ABAT: variants seen among roughly 807,000 people sequenced by gnomAD.
ABAT encodes 4-aminobutyrate aminotransferase.
In ABAT, 45 loss-of-function variants were observed where a neutral mutation model predicts 64.6. The observed-to-expected ratio is 0.70, with a 90% CI of 0.55 to 0.89. The LOEUF (loss-of-function observed/expected upper bound fraction) is 0.89, where lower values mean the gene tolerates loss of function less well. ABAT is among the 40% of genes least tolerant of loss of function. ABAT has a pLI of 0.00. For synonymous variants in ABAT, 297 were observed against 250.5 expected (o/e 1.19, Z -1.75); for missense variants, 633 against 658.4 (o/e 0.96, Z 0.42).
At chr16:8,775,309 C>T (rs1054605240) in intron 13 of ABAT, among the ~76,000 whole-genome samples, 1 of 152,116 alleles carries the variant, frequency 6.6e-6, no homozygotes, top group South Asian at 2.1e-4. Context: ...ATAATATCAT[C>T]GACAGCTGCC....
intron 2 of ABAT, among the ~76,000 whole-genome samples, 193 bp from the exon 3 acceptor site, chr16:8,745,808 C>G (rs1353471105): frequency 1.3e-5 from 2 of 152,186 alleles, no homozygotes; most frequent in Non-Finnish European, 2.9e-5. Context: ...TGGGTTTTCC[C>G]TTTTTTAAAA....
chr16:8,776,273 C>A lies in ABAT; in HGVS notation c.1123-71C>A. On this transcript the variant is annotated intron_variant, in intron 13 of 15. Coordinates refer to ENST00000268251, the MANE Select transcript of ABAT (RefSeq NM_020686.6). This position sits in a 1 kb window ranked among gnomAD's most constrained non-coding sequence, Gnocchi z 4.4. Reference sequence around the variant, plus strand: ...CTCCTCTTCAAGAGAGGAGGCGGGGCGCCTGGGGTAAGTGACTCCTGCAGG... The same window carrying A: ...CTCCTCTTCAAGAGAGGAGGCGGGGAGCCTGGGGTAAGTGACTCCTGCAGG... 2 of 1,607,390 alleles carry A rather than the reference C, an allele frequency of 1.2e-6. No individual in the cohort carries two copies. The highest frequency in any genetic ancestry group is 1.1e-5 in the South Asian group (1 of 90,858).
chr16:8,758,007 A>G (rs2059694665), intron 6 of ABAT, among the ~76,000 whole-genome samples: 2 of 152,242 alleles, frequency 1.3e-5, no homozygotes, highest in Admixed American at 1.3e-4. Context: ...GCAGTCAATT[A>G]ACCACACACA....
intron 10 of ABAT, 72 bp from the exon 11 acceptor site, chr16:8,768,753 A>G: frequency 1.2e-6 from 2 of 1,605,406 alleles, no homozygotes; most frequent in Non-Finnish European, 1.7e-6. Flanking sequence ...AATGTCTATC[A>G]TCTCCTTTAC....
chr16:8,750,620 G>A (rs2142728037), intron 5 of ABAT, 81 bp downstream of exon 5: 1 of 1,312,164 alleles, frequency 7.6e-7, no homozygotes, highest in South Asian at 1.2e-5. Context: ...ATTAGGATGT[G>A]GCTTCCAGCA....
At chr16:8,678,604 G>C (rs927769964) in intron 1 of ABAT, among the ~76,000 whole-genome samples, 1 of 152,176 alleles carries the variant, frequency 6.6e-6, no homozygotes, top group Non-Finnish European at 1.5e-5. Flanking sequence ...AGGGTCTTTC[G>C]AAACTTCAAT....
chr16:8,778,501 G>A lies in ABAT; in HGVS notation c.1270-978G>A, dbSNP rs2313560. ...AAAGATACCAGTCATTGAGCCGGGC[G>A]CTGTGGCTCACACCTGTAATCCCAG... On this transcript the variant is annotated intron_variant, in intron 14 of 15. Transcript: ENST00000268251. Among the ~76,000 whole-genome samples, 310 of 152,264 alleles carry A rather than the reference G, an allele frequency of 2.0e-3. 5 individuals are homozygous for A. The highest frequency in any genetic ancestry group is 0.017 in the Admixed American group (260 of 15,286).
chr16:8,755,155 T>G (rs1485608970), intron 5 of ABAT, among the ~76,000 whole-genome samples: 1 of 152,084 alleles, frequency 6.6e-6, no homozygotes, highest in Non-Finnish European at 1.5e-5. Flanking sequence ...TTTTTAACTC[T>G]CTGAGGCATG....
Position 8,764,297 on chromosome 16 carries a change from T to C in ABAT, c.447+148T>C. On this transcript the variant is annotated intron_variant, in intron 7 of 15. Coordinates refer to ENST00000268251, the MANE Select transcript of ABAT (RefSeq NM_020686.6). The surrounding 1 kb of genome is among the most constrained non-coding windows in gnomAD (Gnocchi z 4.2). ...TCTTCCATGCAGAGTATTTTAAATT[T>C]TTCTTTTAAAGGACAGAAGGGATTC... is the stretch of plus-strand genomic sequence containing the variant. The C allele has an allele frequency of 1.3e-6, 1 of 779,568 alleles. No individual in the cohort carries two copies. The highest frequency in any genetic ancestry group is 1.5e-5 in the South Asian group (1 of 65,004). 48.3% of individuals were successfully genotyped at this position (779,568 alleles called of 1,614,324 possible).
At chr16:8,736,030 A>C (rs1057430162) in intron 2 of ABAT, 2 of 540,710 alleles carry the variant, frequency 3.7e-6, no homozygotes, top group Non-Finnish European at 6.7e-6. Flanking sequence ...ACAGTTTCAT[A>C]TGGCTGGGGA....
chr16:8,766,229 G>A lies in ABAT; in HGVS notation c.562G>A (p.Gly188Ser), dbSNP rs2059938968. ...TCAGAGCAAGGAAAGAGGGCAGAGGGGCTTCTCCCAGGAGGAGCTGGAGAC... is the reference window on the plus strand; with the variant it reads ...TCAGAGCAAGGAAAGAGGGCAGAGGAGCTTCTCCCAGGAGGAGCTGGAGAC... ...WYRSKERGQR[G>S]FSQEELETCM... The change falls in exon 9 of 16, where the codon GGC becomes AGC. Residue 188 changes from glycine (G) to serine (S), a missense_variant. Coordinates refer to ENST00000268251, the MANE Select transcript of ABAT (RefSeq NM_020686.6). The A allele has an allele frequency of 6.2e-7, 1 of 1,614,006 alleles. No individual in the cohort carries two copies. Among genetic ancestry groups the A allele is most frequent in the South Asian group, 1.1e-5 (1 of 91,090 alleles).
intron 14 of ABAT, among the ~76,000 whole-genome samples, chr16:8,778,417 C>A (rs950749842): frequency 6.6e-6 from 1 of 152,068 alleles, no homozygotes; most frequent in Non-Finnish European, 1.5e-5. Flanking sequence ...CTGCTTCTGG[C>A]GTCACTTGGT....
At chr16:8,686,819 T>C (rs147415447) in intron 1 of ABAT, among the ~76,000 whole-genome samples, 50 of 152,260 alleles carry the variant, frequency 3.3e-4, no homozygotes, top group African/African-American at 1.2e-3. Context: ...CACAGCAGAG[T>C]TTGGGAAATG....
At position 8,764,830 on chromosome 16, in the gene ABAT, G is replaced by C; in HGVS notation, c.540G>C (p.Arg180=). Residue 180 remains arginine (R), a splice_region_variant and synonymous_variant, in exon 8 of 16, where the codon CGG becomes CGC. Coordinates refer to ENST00000268251, the MANE Select transcript of ABAT (RefSeq NM_020686.6). The surrounding 1 kb of genome is among the most constrained non-coding windows in gnomAD (Gnocchi z 4.2). ...TAAAGACCATCTTCATGTGGTACCG[G>C]GTGAGGTTTGGGGCACACACACACA... ...NALKTIFMWY[R]SKERGQRGFS... 3 of 1,610,434 alleles carry C rather than the reference G, an allele frequency of 1.9e-6. No individual in the cohort carries two copies. The highest frequency in any genetic ancestry group is 2.5e-6 in the Non-Finnish European group (3 of 1,178,760).
intron 1 of ABAT, among the ~76,000 whole-genome samples, chr16:8,707,489 G>A (rs1033187223): frequency 2.0e-5 from 3 of 151,650 alleles, no homozygotes. Flanking sequence ...GCCCAGCCCA[G>A]AGTTAGAGAC....
At position 8,764,843 on chromosome 16, in the gene ABAT, G is replaced by GCACACACACA. The variant is rs35745596; in HGVS notation, c.540+26_540+35dup. The GCACACACACA allele has an allele frequency of 6.5e-6, 10 of 1,533,224 alleles. No individual in the cohort carries two copies. In the African/African-American group the frequency reaches 1.4e-4, roughly 21 times the overall value. 95.0% of individuals were successfully genotyped at this position (1,533,224 alleles called of 1,614,324 possible). A position where few individuals can be genotyped will look rare whatever the true frequency, so the allele number is the denominator to read the frequency against. Reference sequence around the variant, plus strand: ...CATGTGGTACCGGGTGAGGTTTGGGGCACACACACACACACACACACAGGC... The same window carrying GCACACACACA: ...CATGTGGTACCGGGTGAGGTTTGGGGCACACACACACACACACACACACACACACACAGGC... On this transcript the variant is annotated intron_variant, in intron 8 of 15. Transcript: ENST00000268251. The surrounding 1 kb of genome is among the most constrained non-coding windows in gnomAD (Gnocchi z 4.2).
intron 15 of ABAT, chr16:8,780,434 A>C (rs1567320200): frequency 6.5e-6 from 1 of 153,568 alleles, no homozygotes; most frequent in Non-Finnish European, 1.4e-5. Flanking sequence ...GGGATAATCA[A>C]CCTCCATTTT....
At chr16:8,719,402 T>C (rs1181746252) in intron 1 of ABAT, among the ~76,000 whole-genome samples, 1 of 152,214 alleles carries the variant, frequency 6.6e-6, no homozygotes, top group African/African-American at 2.4e-5. Context: ...ACAAAGGCTA[T>C]CTGTGTCTCA....
intron 1 of ABAT, among the ~76,000 whole-genome samples, chr16:8,678,092 T>C (rs374666065): frequency 6.6e-6 from 1 of 152,134 alleles, no homozygotes; most frequent in African/African-American, 2.4e-5. Context: ...CAAAAACAGC[T>C]TCTTTCTTGC....
Sources: allele counts gnomAD v4.1 joint callset (sites outside exome capture counted in the v4.1 genomes callset), GRCh38; gene constraint gnomAD v4.1.1; non-coding constraint Gnocchi (gnomAD v3.1); transcripts MANE v1.5; gene names NCBI Gene and HGNC (gene_info 2026-07-23, HGNC 2026-07-21).